EFHD2: variants seen among roughly 807,000 people sequenced by gnomAD.
EFHD2 encodes EF-hand domain family member D2.
A neutral mutation model predicts 20.3 loss-of-function variants in EFHD2; 12 were observed. The ratio of observed to expected loss-of-function variants is 0.59; its 90% confidence interval spans 0.38 to 0.96. The LOEUF (loss-of-function observed/expected upper bound fraction) is 0.96. Ranked by LOEUF, EFHD2 falls within the 40% of genes least tolerant of loss-of-function variation. The pLI is 0.00. For synonymous variants in EFHD2, 131 were observed against 143.9 expected (o/e 0.91, Z 0.64); for missense variants, 250 against 334.3 (o/e 0.75, Z 1.97).
At chr1:15,417,981 C>CTTTTT (rs57589251) in intron 1 of EFHD2, among the ~76,000 whole-genome samples, 14 of 97,086 alleles carry the variant, frequency 1.4e-4, no homozygotes, top group South Asian at 3.8e-4. Flanking sequence ...CTTTCTTTTT[C>CTTTTT]TTTTTTTTTT....
At chr1:15,411,113 C>T (rs1186494852) in intron 1 of EFHD2, among the ~76,000 whole-genome samples, 5 of 150,756 alleles carry the variant, frequency 3.3e-5, no homozygotes, top group East Asian at 4.0e-4. Context: ...CGCTCCTGCC[C>T]GCCCCACCCC....
rs2103282678 is a variant in EFHD2 at position 15,429,544 on chromosome 1, G to C, written c.*820G>C. 1 of 152,808 alleles carries C rather than the reference G, an allele frequency of 6.5e-6. No homozygotes were observed. The highest frequency in any genetic ancestry group is 1.9e-4 in the East Asian group (1 of 5,188). The allele number at this position is 152,808 out of a possible 1,614,324, so 9.5% of individuals were successfully genotyped here. ...CAGCCAGAACACCCTGAGGGTCTCG[G>C]GGCTCTGGAGAGAGTGGGGCGGGAG... On this transcript the variant is annotated 3_prime_UTR_variant, in exon 4 of 4. Coordinates refer to ENST00000375980, the MANE Select transcript of EFHD2 (RefSeq NM_024329.6).
At chr1:15,416,789 CCA>C (rs1458984741) in intron 1 of EFHD2, among the ~76,000 whole-genome samples, 3 of 152,082 alleles carry the variant, frequency 2.0e-5, no homozygotes, top group Non-Finnish European at 4.4e-5. Context: ...AGATTCCACC[CCA>C]GATTTACCAG....
intron 1 of EFHD2, among the ~76,000 whole-genome samples, chr1:15,419,885 G>A (rs1343777518): frequency 6.6e-6 from 1 of 152,154 alleles, no homozygotes; most frequent in Admixed American, 6.5e-5. Context: ...CTCCAACCCC[G>A]AGGGAAGGTT....
At chr1:15,417,459 C>T (rs1707692504) in intron 1 of EFHD2, among the ~76,000 whole-genome samples, 1 of 152,106 alleles carries the variant, frequency 6.6e-6, no homozygotes, top group South Asian at 2.1e-4. Flanking sequence ...GGTTAGGATG[C>T]CTTTGAGCCC....
chr1:15,418,451 G>A lies in EFHD2; in HGVS notation c.309-7420G>A, dbSNP rs182125481. ...CTCCCGAGTAGCTGGGACTACAGGC[G>A]CCCACCATCACGCCCGGCTAATTTT... is the stretch of plus-strand genomic sequence containing the variant. On this transcript the variant is annotated intron_variant, in intron 1 of 3. Coordinates refer to ENST00000375980, the MANE Select transcript of EFHD2 (RefSeq NM_024329.6). Among the ~76,000 whole-genome samples the A allele has an allele frequency of 2.1e-3, 316 of 151,088 alleles. 1 individual carries two copies. Among genetic ancestry groups the A allele is most frequent in the Non-Finnish European group, 3.6e-3 (246 of 67,852 alleles).
intron 1 of EFHD2, among the ~76,000 whole-genome samples, chr1:15,416,833 C>T (rs138324296): frequency 8.5e-5 from 13 of 152,068 alleles, no homozygotes; most frequent in Non-Finnish European, 1.9e-4. Context: ...TTTTAAGAGA[C>T]AGAGTCTTGC....
chr1:15,410,348 C>A lies in EFHD2; in HGVS notation c.308+69C>A, dbSNP rs1339102708. On this transcript the variant is annotated intron_variant, in intron 1 of 3. Coordinates refer to ENST00000375980, the MANE Select transcript of EFHD2 (RefSeq NM_024329.6). ...GGTCTCGGGCCCCGAACCCCCCGATCCCCGGATCCCGCTCCGCCCCGGGAG... is the reference window on the plus strand; with the variant it reads ...GGTCTCGGGCCCCGAACCCCCCGATACCCGGATCCCGCTCCGCCCCGGGAG... The A allele has an allele frequency of 3.4e-6, 5 of 1,462,614 alleles. No individual in the cohort carries two copies. The East Asian group carries it at 1.5e-4, about 43-fold the overall frequency. The allele number at this position is 1,462,614 out of a possible 1,614,324, so 90.6% of individuals were successfully genotyped here.
rs1707922215 is a variant in EFHD2, at chr1:15,429,062, G to A, written c.*338G>A. 6.7e-6 allele frequency: 2 copies of A among 298,808 alleles called. No individual in the cohort carries two copies. Among genetic ancestry groups the A allele is most frequent in the East Asian group, 1.8e-4 (2 of 11,240 alleles). 18.5% of individuals were successfully genotyped at this position (298,808 alleles called of 1,614,324 possible). On this transcript the variant is annotated 3_prime_UTR_variant, in exon 4 of 4. Transcript: ENST00000375980. The stretch of plus-strand genomic sequence containing the variant: ...GGCCCTAGGTCCCTCCCAGCCCCAT[G>A]TGCCTGCCGCCTGCCCTCCACACAT...
intron 3 of EFHD2, 127 bp downstream of exon 3, chr1:15,427,411 C>A: frequency 6.9e-7 from 1 of 1,442,050 alleles, no homozygotes; most frequent in Non-Finnish European, 9.2e-7. Flanking sequence ...TGACTCCCTG[C>A]CAGGCTGGGC....
chr1:15,414,022 G>T (rs149744519), intron 1 of EFHD2, among the ~76,000 whole-genome samples: 468 of 152,356 alleles, frequency 3.1e-3, no homozygotes, highest in Non-Finnish European at 5.4e-3. Context: ...AGAGCCTCGG[G>T]AGTGCCCACC....
chr1:15,425,956 G>A lies in EFHD2; in HGVS notation c.394G>A (p.Gly132Ser). The A allele has an allele frequency of 3.7e-6, 6 of 1,600,586 alleles. No individual in the cohort carries two copies. Among genetic ancestry groups the A allele is most frequent in the South Asian group, 2.2e-5 (2 of 88,948 alleles). ...ACTTGGGGCCCCTCAGACCCACCTG[G>A]GCCTGAAAAACATGATCAAGGAGGT... is the stretch of plus-strand genomic sequence containing the variant. ...EKLGAPQTHL[G>S]LKNMIKEVDE... The change falls in exon 2 of 4, where the codon GGC (glycine) becomes AGC (serine). Residue 132 changes from glycine to serine, a missense_variant. Around this residue, in one of 3 missense-constraint regions of EFHD2, gnomAD observed 143 missense variants for 190.6 expected, o/e 0.75. Coordinates refer to ENST00000375980, the MANE Select transcript of EFHD2 (RefSeq NM_024329.6).
intron 1 of EFHD2, among the ~76,000 whole-genome samples, chr1:15,418,248 C>T (rs957142513): frequency 6.6e-6 from 1 of 150,914 alleles, no homozygotes; most frequent in African/African-American, 2.4e-5. Context: ...CCTCGGCCTC[C>T]CAAAGTGCTG....
At chr1:15,427,938 G>A (rs1344202643) in intron 3 of EFHD2, 1 of 470,282 alleles carries the variant, frequency 2.1e-6, no homozygotes, top group African/African-American at 2.0e-5. Context: ...ACAGGAAGCA[G>A]AGGATCAGGA....
At chr1:15,425,832 G>A (rs773743648) in intron 1 of EFHD2, 39 bp from the exon 2 acceptor site, 1 of 1,594,514 alleles carries the variant, frequency 6.3e-7, no homozygotes, top group Non-Finnish European at 8.5e-7. Context: ...CTCTCTGACT[G>A]AGCCAGTGCC....
chr1:15,411,376 CT>C (rs1707508767), intron 1 of EFHD2, among the ~76,000 whole-genome samples: 1 of 152,136 alleles, frequency 6.6e-6, no homozygotes, highest in African/African-American at 2.4e-5. Context: ...GCTCATCCCC[CT>C]GTCCCCCCAC....
At chr1:15,425,734 C>A in intron 1 of EFHD2, 137 bp from the exon 2 acceptor site, 3 of 1,267,222 alleles carry the variant, frequency 2.4e-6, no homozygotes, top group Non-Finnish European at 1.1e-6. Context: ...TCTGCCTGGA[C>A]TGAGGTCCCT....
Position 15,429,939 on chromosome 1 carries a change from A to G in EFHD2, c.*1215A>G, listed in dbSNP as rs1405281767. On this transcript the variant is annotated 3_prime_UTR_variant, in exon 4 of 4. Transcript: ENST00000375980. ...AAACTGTGACCATCACTCAGTCCAA[A>G]CAAGTGAGTGGCCCTCGAGGCCACA... is the stretch of plus-strand genomic sequence containing the variant. 6.5e-6 allele frequency: 1 copy of G among 152,708 alleles called. No individual in the cohort carries two copies. The highest frequency in any genetic ancestry group is 1.5e-5 in the Non-Finnish European group (1 of 68,058). 9.5% of individuals were successfully genotyped at this position (152,708 alleles called of 1,614,324 possible).
At chr1:15,416,504 C>T (rs942704509) in intron 1 of EFHD2, among the ~76,000 whole-genome samples, 12 of 152,230 alleles carry the variant, frequency 7.9e-5, no homozygotes, top group African/African-American at 9.7e-5. Context: ...GGAGCCGGGC[C>T]GCCCAGGGAG....
Sources: gnomAD v4.1 joint callset for allele counts (sites outside exome capture counted in the v4.1 genomes callset) on GRCh38, gnomAD v4.1.1 for gene constraint, gnomAD v4.1.1 regional missense constraint, MANE v1.5 for transcripts, NCBI Gene and HGNC (gene_info 2026-07-23, HGNC 2026-07-21) for gene names.